The following ARMC8 variants were observed in gnomAD, a reference collection of about 807,000 sequenced individuals.
The protein encoded by ARMC8 is armadillo repeat-containing protein 8.
A neutral mutation model predicts 99.3 loss-of-function variants in ARMC8; 20 were observed. The observed-to-expected ratio is 0.20, with a 90% CI of 0.14 to 0.29. The LOEUF (loss-of-function observed/expected upper bound fraction) is 0.29. Ranked by LOEUF, ARMC8 falls within the 10% of genes least tolerant of loss-of-function variation. ARMC8 has a pLI of 1.00. For synonymous variants in ARMC8, 263 were observed against 278.3 expected (o/e 0.95, Z 0.55); for missense variants, 569 against 809.5 (o/e 0.70, Z 3.60).
At chr3:138,219,622 G>A (rs2108067652) in intron 2 of ARMC8, among the ~76,000 whole-genome samples, 1 of 152,296 alleles carries the variant, frequency 6.6e-6, no homozygotes, top group South Asian at 2.1e-4. Context: ...AATTCTTCAT[G>A]GAAGTGATCT....
chr3:138,207,113 G>A (rs1576612771), intron 1 of ARMC8, among the ~76,000 whole-genome samples: 1 of 152,198 alleles, frequency 6.6e-6, no homozygotes, highest in Non-Finnish European at 1.5e-5. Context: ...TATTGGCTTT[G>A]CATGCCCTGT....
At chr3:138,234,263 C>T (rs1353106332) in intron 6 of ARMC8, among the ~76,000 whole-genome samples, 1 of 152,096 alleles carries the variant, frequency 6.6e-6, no homozygotes, top group Non-Finnish European at 1.5e-5. Flanking sequence ...AGGCATGCGC[C>T]ACCAAACCTA....
chr3:138,191,070 G>T (rs1316854401), intron 1 of ARMC8, among the ~76,000 whole-genome samples: 1 of 152,220 alleles, frequency 6.6e-6, no homozygotes. Flanking sequence ...GAGCATACAA[G>T]GCAAAGGGAA....
chr3:138,229,221 A>T (rs1228727180), intron 6 of ARMC8, among the ~76,000 whole-genome samples: 1 of 140,582 alleles, frequency 7.1e-6, no homozygotes, highest in Non-Finnish European at 1.5e-5. Flanking sequence ...AAATATATAT[A>T]TATTTAAAAC....
chr3:138,275,229 T>C (rs1396720222), intron 18 of ARMC8, among the ~76,000 whole-genome samples: 3 of 152,208 alleles, frequency 2.0e-5, no homozygotes, highest in Non-Finnish European at 4.4e-5. Context: ...TTTTTTGACA[T>C]AGGTTTTGGC....
At position 138,227,703 on chromosome 3, in the gene ARMC8, C is replaced by T. The variant is rs549722942; in HGVS notation, c.436-1215C>T. Among the ~76,000 whole-genome samples, 28 of 152,206 alleles carry T rather than the reference C, an allele frequency of 1.8e-4. No homozygotes were observed. The South Asian group carries it at 5.0e-3, about 27-fold the overall frequency. On this transcript the variant is annotated intron_variant, in intron 5 of 21. Coordinates refer to ENST00000469044, the MANE Select transcript of ARMC8 (RefSeq NM_001363941.2). The stretch of plus-strand genomic sequence containing the variant: ...GTTCTTTTAAGTTTTTTTCTTTGTC[C>T]TCTGTTGTCTCTGGTGAGGATCCTC...
At chr3:138,256,245 G>A (rs989194884) in intron 12 of ARMC8, among the ~76,000 whole-genome samples, 1 of 152,098 alleles carries the variant, frequency 6.6e-6, no homozygotes, top group Non-Finnish European at 1.5e-5. Context: ...AATGTCAGTG[G>A]AACTCTGTGG....
intron 2 of ARMC8, among the ~76,000 whole-genome samples, chr3:138,215,390 G>C (rs1048289240): frequency 6.6e-6 from 1 of 151,782 alleles, no homozygotes; most frequent in Non-Finnish European, 1.5e-5. Context: ...CTAATTTTTT[G>C]TATTTTTAGT....
At chr3:138,294,787 G>A (rs2051310887) in intron 21 of ARMC8, among the ~76,000 whole-genome samples, 1 of 152,144 alleles carries the variant, frequency 6.6e-6, no homozygotes, top group African/African-American at 2.4e-5. Context: ...TAGTAAAGGA[G>A]GCCTCCTTGG....
At chr3:138,196,052 G>A (rs1203657272) in intron 1 of ARMC8, among the ~76,000 whole-genome samples, 1 of 152,108 alleles carries the variant, frequency 6.6e-6, no homozygotes, top group Non-Finnish European at 1.5e-5. Flanking sequence ...AATATTGGGA[G>A]GTCTTTACCA....
chr3:138,271,226 C>T (rs188192343), intron 16 of ARMC8, among the ~76,000 whole-genome samples: 1 of 152,164 alleles, frequency 6.6e-6, no homozygotes, highest in African/African-American at 2.4e-5. Flanking sequence ...TAGCACTTCT[C>T]TTTCTTGAAA....
chr3:138,265,426 A>G (rs2048185741), intron 14 of ARMC8, among the ~76,000 whole-genome samples: 1 of 152,118 alleles, frequency 6.6e-6, no homozygotes, highest in African/African-American at 2.4e-5. Flanking sequence ...TTAATTTTTT[A>G]GAGTTTTGTT....
At chr3:138,267,112 C>A (rs1560017069) in intron 14 of ARMC8, 43 bp from the exon 15 acceptor site, 1 of 1,005,700 alleles carries the variant, frequency 9.9e-7, no homozygotes, top group African/African-American at 1.6e-5. Flanking sequence ...ATCTCATCTT[C>A]ATCATTCCAA....
At chr3:138,245,592 T>C in intron 12 of ARMC8, 1 of 1,014,572 alleles carries the variant, frequency 9.9e-7, no homozygotes, top group South Asian at 4.4e-5. Flanking sequence ...CTCTATTGTA[T>C]ATTGTTCTTT....
chr3:138,189,634 G>C (rs911518116), intron 1 of ARMC8, among the ~76,000 whole-genome samples: 1 of 152,170 alleles, frequency 6.6e-6, no homozygotes, highest in African/African-American at 2.4e-5. Flanking sequence ...TCTGGGTGAC[G>C]CTATAATTTG....
At chr3:138,256,068 G>A (rs1294803169) in intron 12 of ARMC8, among the ~76,000 whole-genome samples, 2 of 152,244 alleles carry the variant, frequency 1.3e-5, no homozygotes, top group Non-Finnish European at 2.9e-5. Context: ...TTACATTGGA[G>A]CAGTGGCACA....
intron 6 of ARMC8, among the ~76,000 whole-genome samples, chr3:138,230,821 G>A (rs959344627): frequency 6.6e-6 from 1 of 152,160 alleles, no homozygotes. Flanking sequence ...CATTCCTGAA[G>A]TTACCTAAAT....
intron 15 of ARMC8, 96 bp from the exon 16 acceptor site, chr3:138,269,944 G>T (rs2048633717): frequency 2.9e-6 from 2 of 690,870 alleles, no homozygotes; most frequent in Non-Finnish European, 4.8e-6. Flanking sequence ...TTGAGTAAGA[G>T]TGGGGAAGAA....
At chr3:138,214,503 TTTTCTTGCATGAGC>T (rs2044894892) in intron 2 of ARMC8, among the ~76,000 whole-genome samples, 1 of 152,202 alleles carries the variant, frequency 6.6e-6, no homozygotes, top group Non-Finnish European at 1.5e-5. Flanking sequence ...ACAGGTTCCA[TTTTCTTGCATGAGC>T]TAAAGATAAA....
Sources: allele counts gnomAD v4.1 joint callset (sites outside exome capture counted in the v4.1 genomes callset), GRCh38; gene constraint gnomAD v4.1.1; transcripts MANE v1.5; gene names NCBI Gene and HGNC (gene_info 2026-07-23, HGNC 2026-07-21).